APBA1: variants seen among roughly 807,000 people sequenced by gnomAD.
APBA1 encodes amyloid-beta A4 precursor protein-binding family A member 1.
APBA1 carries 55 observed loss-of-function variants against 86.6 expected under a neutral mutation model. That is an observed-to-expected ratio of 0.64 (90% CI 0.51 to 0.80). The LOEUF is 0.80. Ranked by LOEUF, APBA1 falls within the 30% of genes least tolerant of loss-of-function variation. APBA1 has a pLI of 0.00. For synonymous variants in APBA1, 511 were observed against 493.9 expected (o/e 1.03, Z -0.46); for missense variants, 1,090 against 1,183.0 (o/e 0.92, Z 1.15).
At chr9:69,504,149 C>T (rs771688368) in intron 2 of APBA1, among the ~76,000 whole-genome samples, 3 of 151,996 alleles carry the variant, frequency 2.0e-5, no homozygotes, top group Non-Finnish European at 4.4e-5. Context: ...TCTCTGAAGC[C>T]TGTAAAATCT....
intron 1 of APBA1, among the ~76,000 whole-genome samples, chr9:69,548,346 G>A (rs1836730183): frequency 6.6e-6 from 1 of 152,160 alleles, no homozygotes; most frequent in Non-Finnish European, 1.5e-5. Context: ...CCCTGCCGAC[G>A]CTTTGCTTTT....
intron 1 of APBA1, among the ~76,000 whole-genome samples, chr9:69,528,109 G>C (rs1156578967): frequency 6.6e-6 from 1 of 152,070 alleles, no homozygotes. Flanking sequence ...TTTAATATAA[G>C]CCTTCATCCT....
chr9:69,457,918 G>A lies in APBA1; in HGVS notation c.1515+238C>T, dbSNP rs185657693. 4.2e-3 allele frequency among the ~76,000 whole-genome samples: 647 copies of A among 152,254 alleles called. 9 individuals are homozygous for A. Among genetic ancestry groups the A allele is most frequent in the Admixed American group, 0.029 (440 of 15,292 alleles). ...CATACTACTATACGATTCATTCAGC[G>A]TCTCCAATCTGCTCCCTGTCGTTCC... On this transcript the variant is annotated intron_variant, in intron 6 of 12. Transcript: ENST00000265381.
Position 69,579,824 on chromosome 9 carries a change from T to C in APBA1, c.-69-62545A>G, listed in dbSNP as rs777560237. 5.3e-5 allele frequency among the ~76,000 whole-genome samples: 8 copies of C among 152,260 alleles called. No individual in the cohort carries two copies. The East Asian group carries it at 1.3e-3, about 26-fold the overall frequency. On this transcript the variant is annotated intron_variant, in intron 1 of 12. Coordinates refer to ENST00000265381, the MANE Select transcript of APBA1 (RefSeq NM_001163.4). ...AGAGGACAGAAAAGAGAAAAGCCAATTTGGAAATAGATCTAATTTGATTCT... is the reference window on the plus strand; with the variant it reads ...AGAGGACAGAAAAGAGAAAAGCCAACTTGGAAATAGATCTAATTTGATTCT...
At chr9:69,561,384 A>G (rs1018830500) in intron 1 of APBA1, among the ~76,000 whole-genome samples, 1 of 152,246 alleles carries the variant, frequency 6.6e-6, no homozygotes, top group African/African-American at 2.4e-5. Context: ...ATACTGCTTT[A>G]GGGACATTTT....
intron 3 of APBA1, among the ~76,000 whole-genome samples, chr9:69,474,010 A>G (rs1468815256): frequency 6.6e-6 from 1 of 152,228 alleles, no homozygotes; most frequent in East Asian, 1.9e-4. Flanking sequence ...TCAAATGCTG[A>G]ATATTTAGAT....
chr9:69,553,313 T>C (rs1049073202), intron 1 of APBA1, among the ~76,000 whole-genome samples: 4 of 152,244 alleles, frequency 2.6e-5, no homozygotes, highest in Non-Finnish European at 4.4e-5. Flanking sequence ...CCTTGTAAGA[T>C]ATAAACCATT....
rs1192381737 is a variant in APBA1, at chr9:69,664,884, C to G, written c.-70+7269G>C. The stretch of plus-strand genomic sequence containing the variant: ...GCAGTTGTCACAATACATTAAAATC[C>G]CTAAATTAAAATAACTGCCATCAAA... On this transcript the variant is annotated intron_variant, in intron 1 of 12. Coordinates refer to ENST00000265381, the MANE Select transcript of APBA1 (RefSeq NM_001163.4). 2.0e-5 allele frequency among the ~76,000 whole-genome samples: 3 copies of G among 152,246 alleles called. No individual in the cohort carries two copies. In the South Asian group the frequency reaches 6.2e-4, roughly 32 times the overall value.
chr9:69,493,661 A>G (rs1373831938), intron 2 of APBA1, among the ~76,000 whole-genome samples: 1 of 152,148 alleles, frequency 6.6e-6, no homozygotes, highest in Non-Finnish European at 1.5e-5. Flanking sequence ...CAAGTGCCTC[A>G]TACAGAGACC....
intron 2 of APBA1, among the ~76,000 whole-genome samples, chr9:69,476,853 C>G (rs1322326882): frequency 1.3e-5 from 2 of 152,156 alleles, no homozygotes; most frequent in African/African-American, 4.8e-5. Context: ...CTGATGGGAC[C>G]CCAGCTCCCT....
At position 69,516,051 on chromosome 9, in the gene APBA1, G is replaced by A; in HGVS notation, c.1160C>T (p.Pro387Leu). Residue 387 changes from proline to leucine, a missense_variant, in exon 2 of 13, where the codon CCC (proline) becomes CTC (leucine). Around this residue, in one of 6 missense-constraint regions of APBA1, gnomAD observed 678 missense variants for 647.1 expected, o/e 1.05. Transcript: ENST00000265381. This position sits in a 1 kb window ranked among gnomAD's most constrained non-coding sequence, Gnocchi z 7.3. ...PIWVMRQDIS[P>L]TRDCDDQRPM... ...CCTCTGGTCGTCACAGTCCCTGGTG[G>A]GGCTAATGTCCTGGCGCATGACCCA... The A allele has an allele frequency of 1.2e-6, 2 of 1,608,798 alleles. No homozygotes were observed. The highest frequency in any genetic ancestry group is 1.7e-6 in the Non-Finnish European group (2 of 1,176,884).
chr9:69,503,943 G>C (rs146748725), intron 2 of APBA1, among the ~76,000 whole-genome samples: 196 of 152,228 alleles, frequency 1.3e-3, no homozygotes, highest in African/African-American at 4.5e-3. Flanking sequence ...TACCATGCAA[G>C]AAGAGCAATC....
At chr9:69,636,922 G>GGAAGGAAGGAAGGAAGGAAGGAAAGAAA (rs1331913719) in intron 1 of APBA1, among the ~76,000 whole-genome samples, 4 of 63,964 alleles carry the variant, frequency 6.3e-5, no homozygotes, top group African/African-American at 1.3e-4. Flanking sequence ...AAGGAAGGAA[G>GGAAGGAAGGAAGGAAGGAAGGAAAGAAA]GAAAGAAAGA....
chr9:69,517,095 T>A lies in APBA1; in HGVS notation c.116A>T (p.Gln39Leu), dbSNP rs933557705. The A allele has an allele frequency of 1.3e-5, 20 of 1,579,572 alleles. 1 individual carries two copies. The highest frequency in any genetic ancestry group is 1.7e-4 in the Middle Eastern group (1 of 6,006). Residue 39 changes from glutamine (Q) to leucine (L), a missense_variant, in exon 2 of 13, where the codon CAG becomes CTG. By Grantham distance (113) the Gln-to-Leu change is moderately radical. Coordinates refer to ENST00000265381, the MANE Select transcript of APBA1 (RefSeq NM_001163.4). ...LEHPEVEEEQ[Q>L]QPPQQQHYVG... The stretch of plus-strand genomic sequence containing the variant: ...ATAGTGCTGCTGCTGCGGCGGCTGC[T>A]GCTGTTCCTCTTCCACCTCGGGGTG...
intron 1 of APBA1, among the ~76,000 whole-genome samples, chr9:69,586,523 G>A (rs1014310038): frequency 3.3e-5 from 5 of 152,058 alleles, no homozygotes; most frequent in Admixed American, 3.3e-4. Context: ...TTTTGGGCAG[G>A]GGATTTTTAA....
intron 1 of APBA1, among the ~76,000 whole-genome samples, chr9:69,642,967 C>T (rs1752087192): frequency 6.6e-6 from 1 of 151,498 alleles, no homozygotes; most frequent in African/African-American, 2.4e-5. Context: ...CTAAATCAAC[C>T]AGCTGATCTC....
At position 69,616,905 on chromosome 9, in the gene APBA1, A is replaced by G. The variant is rs1822712325; in HGVS notation, c.-70+55248T>C. 2.6e-5 allele frequency among the ~76,000 whole-genome samples: 4 copies of G among 152,320 alleles called. No individual in the cohort carries two copies. In the South Asian group the frequency reaches 6.2e-4, roughly 24 times the overall value. ...GGAGTCATATTTTAAGATGTTTAAG[A>G]CCCTGACAAGTGGAGCTGGGGAAGG... On this transcript the variant is annotated intron_variant, in intron 1 of 12. Coordinates refer to ENST00000265381, the MANE Select transcript of APBA1 (RefSeq NM_001163.4).
chr9:69,602,964 G>C (rs1193996441), intron 1 of APBA1, among the ~76,000 whole-genome samples: 1 of 152,132 alleles, frequency 6.6e-6, no homozygotes, highest in African/African-American at 2.4e-5. Context: ...CTTATCAAAA[G>C]ACTTTTGGCA....
intron 1 of APBA1, among the ~76,000 whole-genome samples, chr9:69,530,329 T>TATATAC (rs1359834235): frequency 2.4e-5 from 3 of 127,542 alleles, no homozygotes; most frequent in African/African-American, 8.8e-5. Flanking sequence ...TATATATATA[T>TATATAC]ACACACACAC....
Sources: gnomAD v4.1 joint callset for allele counts (sites outside exome capture counted in the v4.1 genomes callset) on GRCh38, gnomAD v4.1.1 for gene constraint, gnomAD v4.1.1 regional missense constraint, Gnocchi (gnomAD v3.1) non-coding constraint, MANE v1.5 for transcripts, NCBI Gene and HGNC (gene_info 2026-07-23, HGNC 2026-07-21) for gene names.